EPHA7: variants seen among roughly 807,000 people sequenced by gnomAD.
EPHA7 encodes the protein ephrin type-A receptor 7.
A neutral mutation model predicts 112.6 loss-of-function variants in EPHA7; 25 were observed. The observed-to-expected ratio is 0.22, with a 90% CI of 0.16 to 0.31. The LOEUF is 0.31. EPHA7 is among the 10% of genes least tolerant of loss of function. The pLI is 1.00. For missense variants in EPHA7, 962 were observed against 1,212.6 expected, an observed-to-expected ratio of 0.79 and a Z score of 3.07; for synonymous variants, 437 against 406.5, an observed-to-expected ratio of 1.07 and a Z score of -0.90.
chr6:93,405,463 G>A (rs1320495569), intron 3 of EPHA7, among the ~76,000 whole-genome samples: 2 of 151,668 alleles, frequency 1.3e-5, no homozygotes, highest in Non-Finnish European at 3.0e-5. Context: ...TGTGGCCTGT[G>A]AGATACATGT....
intron 5 of EPHA7, among the ~76,000 whole-genome samples, chr6:93,315,434 G>A (rs1582506475): frequency 6.6e-6 from 1 of 152,040 alleles, no homozygotes; most frequent in African/African-American, 2.4e-5. Context: ...GTCTTCAAAG[G>A]TCCTAAATCA....
At chr6:93,394,058 C>T (rs1342395751) in intron 3 of EPHA7, among the ~76,000 whole-genome samples, 1 of 151,608 alleles carries the variant, frequency 6.6e-6, no homozygotes, top group East Asian at 1.9e-4. Context: ...TTGTGTCCAT[C>T]GGATTTATCT....
At chr6:93,306,481 T>A (rs996393493) in intron 5 of EPHA7, among the ~76,000 whole-genome samples, 1 of 152,012 alleles carries the variant, frequency 6.6e-6, no homozygotes, top group African/African-American at 2.4e-5. Context: ...CATGGCACAG[T>A]ATGATGGACT....
chr6:93,296,893 T>C (rs1434621176), intron 5 of EPHA7, among the ~76,000 whole-genome samples: 1 of 151,948 alleles, frequency 6.6e-6, no homozygotes, highest in African/African-American at 2.4e-5. Context: ...TGAGAATAGT[T>C]AACAAAATTA....
chr6:93,411,411 T>G (rs1778972087), intron 2 of EPHA7, among the ~76,000 whole-genome samples: 1 of 152,190 alleles, frequency 6.6e-6, no homozygotes, highest in African/African-American at 2.4e-5. Flanking sequence ...AATATCTTTC[T>G]GTGAGTATAT....
At chr6:93,297,322 A>G (rs1290233998) in intron 5 of EPHA7, among the ~76,000 whole-genome samples, 3 of 152,072 alleles carry the variant, frequency 2.0e-5, no homozygotes, top group African/African-American at 7.2e-5. Context: ...TAGACTCTAC[A>G]TGAACTAGGC....
intron 9 of EPHA7, chr6:93,260,737 G>A (rs1770648670): frequency 1.0e-6 from 1 of 982,188 alleles, no homozygotes. Context: ...AACAATTATT[G>A]TTGCAGTTTA....
chr6:93,282,136 T>C lies in EPHA7; in HGVS notation c.1325-9714A>G, dbSNP rs937422919. Reference sequence around the variant, plus strand: ...TGGTTTACTTTTAAGAAACAGTAAATCATGTATTTAAACAATATATAATTT... The same window carrying C: ...TGGTTTACTTTTAAGAAACAGTAAACCATGTATTTAAACAATATATAATTT... On this transcript the variant is annotated intron_variant, in intron 5 of 16. Coordinates refer to ENST00000369303, the MANE Select transcript of EPHA7 (RefSeq NM_004440.4). Among the ~76,000 whole-genome samples, 103 of 152,226 alleles carry C rather than the reference T, an allele frequency of 6.8e-4. 1 individual carries two copies. The highest frequency in any genetic ancestry group is 2.4e-3 in the African/African-American group (101 of 41,558).
chr6:93,248,050 A>G (rs1264673511), intron 14 of EPHA7, among the ~76,000 whole-genome samples: 1 of 152,110 alleles, frequency 6.6e-6, no homozygotes, highest in Non-Finnish European at 1.5e-5. Flanking sequence ...TTCGAGGGGG[A>G]AGAACAAATC....
rs960023090 is a variant in EPHA7 at position 93,240,972 on chromosome 6, C to T, written c.*2454G>A. 4.7e-6 allele frequency: 1 copy of T among 213,956 alleles called. No homozygotes were observed. The highest frequency in any genetic ancestry group is 9.5e-6 in the Non-Finnish European group (1 of 105,744). The allele number at this position is 213,956 out of a possible 1,614,324, so 13.3% of individuals were successfully genotyped here. On this transcript the variant is annotated 3_prime_UTR_variant, in exon 17 of 17. Transcript: ENST00000369303. ...TTCCTATTGTGCTGTGTGTCTTTCC[C>T]ATCCCTTCTCCCCTTTCCCTGTAAA...
chr6:93,318,502 T>A (rs1002092625), intron 5 of EPHA7, among the ~76,000 whole-genome samples: 4 of 152,144 alleles, frequency 2.6e-5, no homozygotes, highest in Admixed American at 6.6e-5. Flanking sequence ...AAATTATGCA[T>A]TTTAACAAAG....
chr6:93,399,394 C>G (rs1319548462), intron 3 of EPHA7, among the ~76,000 whole-genome samples: 1 of 151,778 alleles, frequency 6.6e-6, no homozygotes, highest in Admixed American at 6.6e-5. Context: ...TTTGTTTACA[C>G]CTTTGTTGTT....
Position 93,339,481 on chromosome 6 carries a change from AT to A in EPHA7, c.1324+17235del, listed in dbSNP as rs535879066. On this transcript the variant is annotated intron_variant, in intron 5 of 16. Coordinates refer to ENST00000369303, the MANE Select transcript of EPHA7 (RefSeq NM_004440.4). ...TAACTCATAACTGAATGAGGTTTTTATTTTATAAAACATTTTTTCATATATT... is the reference window on the plus strand; with the variant it reads ...TAACTCATAACTGAATGAGGTTTTTATTTATAAAACATTTTTTCATATATT... Among the ~76,000 whole-genome samples, 27 of 151,920 alleles carry A rather than the reference AT, an allele frequency of 1.8e-4. 1 individual carries two copies. In the South Asian group the frequency reaches 5.6e-3, roughly 31 times the overall value.
chr6:93,397,092 C>A (rs1343177310), intron 3 of EPHA7, among the ~76,000 whole-genome samples: 1 of 151,398 alleles, frequency 6.6e-6, no homozygotes, highest in African/African-American at 2.4e-5. Flanking sequence ...AAGCTTTGTT[C>A]TAGATGTATC....
chr6:93,347,276 C>T (rs548032366), intron 5 of EPHA7, among the ~76,000 whole-genome samples: 1 of 151,910 alleles, frequency 6.6e-6, no homozygotes, highest in African/African-American at 2.4e-5. Context: ...ATTGGATGTT[C>T]TGTTACCATC....
chr6:93,324,057 G>A (rs1774199491), intron 5 of EPHA7, among the ~76,000 whole-genome samples: 1 of 151,344 alleles, frequency 6.6e-6, no homozygotes, highest in African/African-American at 2.4e-5. Context: ...AGACTCTTTT[G>A]AGCACAACAA....
At chr6:93,404,150 G>A (rs1410021673) in intron 3 of EPHA7, among the ~76,000 whole-genome samples, 2 of 152,122 alleles carry the variant, frequency 1.3e-5, no homozygotes, top group East Asian at 3.9e-4. Context: ...TAGGTAATTA[G>A]AAGCCTGAAG....
chr6:93,283,003 G>C (rs1054997586), intron 5 of EPHA7, among the ~76,000 whole-genome samples: 43 of 152,318 alleles, frequency 2.8e-4, no homozygotes, highest in Non-Finnish European at 4.3e-4. Context: ...AGCAGGGCGC[G>C]GGACTGGCAG....
Position 93,386,915 on chromosome 6 carries a change from T to C in EPHA7, c.832+23586A>G, listed in dbSNP as rs187385745. 2.1e-3 allele frequency among the ~76,000 whole-genome samples: 318 copies of C among 152,152 alleles called. 1 individual carries two copies. Among genetic ancestry groups the C allele is most frequent in the Non-Finnish European group, 3.0e-3 (202 of 67,972 alleles). On this transcript the variant is annotated intron_variant, in intron 3 of 16. Coordinates refer to ENST00000369303, the MANE Select transcript of EPHA7 (RefSeq NM_004440.4). ...CACCAAGTCCCTAGGCTGCACACAG[T>C]AGGGGGGTCCTGGACCTGGCCCACA... is the stretch of plus-strand genomic sequence containing the variant.
Sources: gnomAD v4.1 joint callset for allele counts (sites outside exome capture counted in the v4.1 genomes callset) on GRCh38, gnomAD v4.1.1 for gene constraint, MANE v1.5 for transcripts, NCBI Gene and HGNC (gene_info 2026-07-23, HGNC 2026-07-21) for gene names.